WT1: variants seen among roughly 807,000 people sequenced by gnomAD.
WT1 encodes Wilms tumor protein.
WT1 carries 8 observed loss-of-function variants against 60.8 expected under a neutral mutation model. The observed-to-expected ratio is 0.13, with a 90% confidence interval of 0.08 to 0.24. WT1 has a LOEUF of 0.24. WT1 is among the 10% of genes least tolerant of loss of function. The pLI, the probability that WT1 is intolerant of heterozygous loss-of-function variation, is 1.00. For synonymous variants in WT1, 312 were observed against 297.1 expected (o/e 1.05, Z -0.52); for missense variants, 568 against 711.8 (o/e 0.80, Z 2.30).
At chr11:32,434,645 G>C in intron 1 of WT1, 55 bp downstream of exon 1, 1 of 1,611,112 alleles carries the variant, frequency 6.2e-7, no homozygotes, top group Non-Finnish European at 8.5e-7. Context: ...TCCTAGAGCG[G>C]AGAGTCCCTG....
chr11:32,428,141 A>T lies in WT1; in HGVS notation c.785-83T>A, dbSNP rs899568214. The stretch of plus-strand genomic sequence containing the variant: ...GCTGCGGGCAGGGGTTGGGGGAGAC[A>T]CGAGATCCTGAGCCTGGGGCACTGG... On this transcript the variant is annotated intron_variant, in intron 2 of 9. Coordinates refer to ENST00000452863, the MANE Select transcript of WT1 (RefSeq NM_024426.6). 3.1e-6 allele frequency: 4 copies of T among 1,282,554 alleles called. No individual in the cohort carries two copies. In the African/African-American group the frequency reaches 5.9e-5, roughly 19 times the overall value. The allele number at this position is 1,282,554 out of a possible 1,614,324, so 79.4% of individuals were successfully genotyped here. A position where few individuals can be genotyped will look rare whatever the true frequency, so the allele number is the denominator to read the frequency against.
In WT1 at chr11:32,423,587, T is replaced by C. The variant is rs568728681; in HGVS notation, c.887+4369A>G. Among the ~76,000 whole-genome samples the C allele has an allele frequency of 5.9e-4, 90 of 152,346 alleles. 1 individual carries two copies. Among genetic ancestry groups the C allele is most frequent in the Non-Finnish European group, 1.1e-3 (74 of 68,026 alleles). ...CCACCTTCACAAAGAGAATGGCACTTATCCATCTAGAGAGAAAGCAAGTGC... is the reference window on the plus strand; with the variant it reads ...CCACCTTCACAAAGAGAATGGCACTCATCCATCTAGAGAGAAAGCAAGTGC... On this transcript the variant is annotated intron_variant, in intron 3 of 9. Transcript: ENST00000452863.
At chr11:32,408,284 AG>A (rs1852383503) in intron 5 of WT1, among the ~76,000 whole-genome samples, 1 of 151,726 alleles carries the variant, frequency 6.6e-6, no homozygotes, top group Non-Finnish European at 1.5e-5. Flanking sequence ...AGGCTGAGGC[AG>A]GCAGATCCCT....
At chr11:32,428,837 G>T (rs1564996034) in intron 1 of WT1, 2 of 662,706 alleles carry the variant, frequency 3.0e-6, no homozygotes. Context: ...ATCCTTTTCT[G>T]ACTAAAACCC....
Position 32,435,414 on chromosome 11 carries a change from T to C in WT1, c.-54A>G. ...GGCGCCTGGGCTGCCGTCCCGGCTCTGGGTGGGTGGGTGGGTGAATGAGTA... is the reference window on the plus strand; with the variant it reads ...GGCGCCTGGGCTGCCGTCCCGGCTCCGGGTGGGTGGGTGGGTGAATGAGTA... On this transcript the variant is annotated 5_prime_UTR_variant, in exon 1 of 10. Transcript: ENST00000452863. The C allele has an allele frequency of 6.1e-5, 2 of 32,872 alleles. No homozygotes were observed. Among genetic ancestry groups the C allele is most frequent in the Non-Finnish European group, 7.3e-5 (2 of 27,388 alleles). 2.0% of individuals were successfully genotyped at this position (32,872 alleles called of 1,614,324 possible).
chr11:32,393,522 AT>A (rs1851878667), intron 7 of WT1, among the ~76,000 whole-genome samples: 1 of 152,202 alleles, frequency 6.6e-6, no homozygotes, highest in Admixed American at 6.5e-5. Context: ...GGCATCTGGG[AT>A]GGAAACAAGC....
chr11:32,391,540 C>T (rs1005636081), intron 9 of WT1, among the ~76,000 whole-genome samples: 40 of 152,340 alleles, frequency 2.6e-4, no homozygotes, highest in African/African-American at 7.9e-4. Context: ...GGTGCATTAA[C>T]TTTTAACAGA....
intron 1 of WT1, 149 bp downstream of exon 1, chr11:32,434,551 C>G (rs1318053577): frequency 6.8e-7 from 1 of 1,475,968 alleles, no homozygotes; most frequent in Admixed American, 2.3e-5. Context: ...GGCCTCCTCC[C>G]CAGCCGCCGC....
Position 32,435,224 on chromosome 11 carries a change from GC to G in WT1, c.136del (p.Ala46ProfsTer3). ...GCTGGCCTCGGCGGCGCCTAACTTG[GC>G]CCAGATGCCGCCCGGGTCCCGGACT... On this transcript the variant is annotated frameshift_variant, in exon 1 of 10. Coordinates refer to ENST00000452863, the MANE Select transcript of WT1 (RefSeq NM_024426.6). LOFTEE classifies it high-confidence loss of function. The G allele has an allele frequency of 6.5e-7, 1 of 1,535,650 alleles. No homozygotes were observed. Among genetic ancestry groups the G allele is most frequent in the Admixed American group, 1.9e-5 (1 of 51,554 alleles).
In WT1 at chr11:32,387,891, A is replaced by C. The variant is rs771770230; in HGVS notation, c.*1167T>G. On this transcript the variant is annotated 3_prime_UTR_variant, in exon 10 of 10. Transcript: ENST00000452863. ...CCAGTGATGCATCTAGTACTTATAC[A>C]GTCCTAATTTTAGTTGTCAAAGAGC... 3.1e-4 allele frequency: 73 copies of C among 233,548 alleles called. No homozygotes were observed. The highest frequency in any genetic ancestry group is 5.4e-4 in the Non-Finnish European group (64 of 118,182). The allele number at this position is 233,548 out of a possible 1,614,324, so 14.5% of individuals were successfully genotyped here. A position where few individuals can be genotyped will look rare whatever the true frequency, so the allele number is the denominator to read the frequency against.
Position 32,434,929 on chromosome 11 carries a change from G to A in WT1, c.432C>T (p.Phe144=), listed in dbSNP as rs754173303. The A allele has an allele frequency of 2.0e-5, 32 of 1,602,700 alleles. No individual in the cohort carries two copies. The South Asian group carries it at 2.6e-4, about 13-fold the overall frequency. ...CGCCCCAGCTCGGCTCCTGTTTGAT[G>A]AAGGAGTGAGGCGGCGGCGGCGGGG... The change falls in exon 1 of 10, where the codon TTC becomes TTT. Residue 144 remains phenylalanine, a synonymous_variant. Transcript: ENST00000452863.
At chr11:32,416,098 T>A (rs545872710) in intron 5 of WT1, among the ~76,000 whole-genome samples, 119 of 152,296 alleles carry the variant, frequency 7.8e-4, no homozygotes, top group African/African-American at 2.7e-3. Context: ...TTAGGGTAAG[T>A]TCTCCCTGAG....
At chr11:32,400,329 G>A in intron 5 of WT1, 2 of 500,468 alleles carry the variant, frequency 4.0e-6, no homozygotes, top group Non-Finnish European at 3.7e-6. Context: ...GACCACAGTG[G>A]CAGGGTTTCA....
At chr11:32,409,877 G>C (rs1852440484) in intron 5 of WT1, among the ~76,000 whole-genome samples, 1 of 151,906 alleles carries the variant, frequency 6.6e-6, no homozygotes, top group Admixed American at 6.6e-5. Flanking sequence ...CAGTGATTCT[G>C]TCCCCTCCCA....
chr11:32,427,046 G>T (rs1344830411), intron 3 of WT1, among the ~76,000 whole-genome samples: 1 of 152,202 alleles, frequency 6.6e-6, no homozygotes, highest in African/African-American at 2.4e-5. Flanking sequence ...ATGGGTTTGG[G>T]GGCAGCCGGT....
At chr11:32,428,423 T>TCCCCCC in intron 2 of WT1, 74 bp downstream of exon 2, 1 of 1,607,908 alleles carries the variant, frequency 6.2e-7, no homozygotes, top group East Asian at 2.2e-5. Flanking sequence ...TTGCTGTGGG[T>TCCCCCC]TAGGAATTCC....
chr11:32,408,991 C>T (rs542043144), intron 5 of WT1, among the ~76,000 whole-genome samples: 4 of 152,240 alleles, frequency 2.6e-5, no homozygotes, highest in African/African-American at 4.8e-5. Flanking sequence ...TGCCACAGTG[C>T]TTAGGTTTAA....
intron 7 of WT1, among the ~76,000 whole-genome samples, chr11:32,395,771 T>A (rs889859021): frequency 4.0e-5 from 6 of 150,718 alleles, no homozygotes; most frequent in African/African-American, 4.9e-5. Context: ...CTTTTTTTTT[T>A]AAGTGATCAC....
intron 1 of WT1, chr11:32,428,881 A>G: frequency 1.8e-6 from 1 of 554,218 alleles, no homozygotes; most frequent in Non-Finnish European, 3.2e-6. Flanking sequence ...TTTATGCCGC[A>G]GTCTTCTACG....
Sources: gnomAD v4.1 joint callset for allele counts (sites outside exome capture counted in the v4.1 genomes callset) on GRCh38, gnomAD v4.1.1 for gene constraint, MANE v1.5 for transcripts, NCBI Gene and HGNC (gene_info 2026-07-23, HGNC 2026-07-21) for gene names.